The following CRAT variants were observed in gnomAD, a reference collection of about 807,000 sequenced individuals.
The protein encoded by CRAT is carnitine O-acetyltransferase, also known as carnitine acetylase.
Under a neutral mutation model 73.7 loss-of-function variants are expected in CRAT, and 66 were observed. The ratio of observed to expected loss-of-function variants is 0.90; its 90% CI spans 0.73 to 1.10. The LOEUF (loss-of-function observed/expected upper bound fraction) is 1.10, where lower values mean the gene tolerates loss of function less well. Ranked by LOEUF, CRAT falls within the 50% of genes least tolerant of loss-of-function variation. The probability of loss-of-function intolerance (pLI) is 0.00; values close to 1 mark genes in which losing one functional copy is unlikely to be tolerated. For synonymous variants in CRAT, 321 were observed against 343.2 expected (o/e 0.94, Z 0.71); for missense variants, 745 against 846.9 (o/e 0.88, Z 1.49).
rs750039829 is a variant in CRAT, at chr9:129,098,266, C to T, written c.1311G>A (p.Leu437=). 6.8e-6 allele frequency: 11 copies of T among 1,613,960 alleles called. No homozygotes were observed. The highest frequency in any genetic ancestry group is 9.3e-6 in the Non-Finnish European group (11 of 1,180,034). ...LSPDAFIQMA[L]QLAYYRIYGQ... is the part of the protein sequence containing the mutation. ...AGGCGCACCTGTAGTAGGCCAGCTG[C>T]AAAGCCATCTGGATGAAGGCATCTG... is the stretch of plus-strand genomic sequence containing the variant. Residue 437 remains leucine, a synonymous_variant, in exon 10 of 14, where the codon TTG becomes TTA. Coordinates refer to ENST00000318080, the MANE Select transcript of CRAT (RefSeq NM_000755.5).
chr9:129,101,851 TG>T, intron 6 of CRAT, 31 bp downstream of exon 6: 1 of 1,604,840 alleles, frequency 6.2e-7, no homozygotes, highest in African/African-American at 1.3e-5. Context: ...GAGGCCTGGG[TG>T]TGCAGCCCCA....
At chr9:129,109,125 C>A in intron 1 of CRAT, 1 of 1,303,016 alleles carries the variant, frequency 7.7e-7, no homozygotes, top group Non-Finnish European at 1.0e-6. Flanking sequence ...TTCCTTTCTT[C>A]TCTGCATGGG....
chr9:129,095,434 C>G lies in CRAT; in HGVS notation c.1844G>C (p.Arg615Pro). Residue 615 changes from arginine (R) to proline (P), a missense_variant, in exon 14 of 14, where the codon CGT (arginine) becomes CCT (proline). Coordinates refer to ENST00000318080, the MANE Select transcript of CRAT (RefSeq NM_000755.5). ...HYLEKALLDM[R>P]ALLQSHPRAK... ...CCGGGGGTGGCTCTGCAGCAGGGCACGCATGTCCAGGAGCGCCTTCTCCAG... is the reference window on the plus strand; with the variant it reads ...CCGGGGGTGGCTCTGCAGCAGGGCAGGCATGTCCAGGAGCGCCTTCTCCAG... The G allele has an allele frequency of 6.2e-7, 1 of 1,612,818 alleles. No individual in the cohort carries two copies. Among genetic ancestry groups the G allele is most frequent in the Non-Finnish European group, 8.5e-7 (1 of 1,179,966 alleles).
intron 10 of CRAT, 25 bp downstream of exon 10, chr9:129,098,224 C>T (rs376278530): frequency 1.2e-6 from 2 of 1,613,218 alleles, no homozygotes; most frequent in African/African-American, 2.7e-5. Flanking sequence ...CCTCCCTCCT[C>T]CATGGGTGGG....
intron 6 of CRAT, among the ~76,000 whole-genome samples, chr9:129,101,214 A>C (rs1307388914): frequency 6.6e-6 from 1 of 152,230 alleles, no homozygotes; most frequent in Middle Eastern, 3.2e-3. Context: ...TGCCTGCTCC[A>C]CGTTGAGAGG....
rs199566104 is a variant in CRAT at position 129,104,210 on chromosome 9, C to T, written c.388G>A (p.Val130Met). The T allele has an allele frequency of 5.9e-5, 95 of 1,610,778 alleles. No homozygotes were observed. Among genetic ancestry groups the T allele is most frequent in the Non-Finnish European group, 7.0e-5 (82 of 1,178,746 alleles). ...PGVMLPKQDF[V>M]DLQGQLRFAA... ...CACCGGAGCTGACCCTGCAGGTCCA[C>T]GAAGTCCTGCTTGGGTAGCATCACG... The change falls in exon 3 of 14, where the codon GTG becomes ATG. Residue 130 changes from valine to methionine, a missense_variant. Transcript: ENST00000318080.
At chr9:129,102,168 G>C in intron 5 of CRAT, 111 bp from the exon 6 acceptor site, 1 of 1,320,274 alleles carries the variant, frequency 7.6e-7, no homozygotes, top group East Asian at 2.4e-5. Flanking sequence ...AGGGGATGGA[G>C]TCAGGCCAAG....
At chr9:129,102,689 GAGC>G in intron 4 of CRAT, 124 bp from the exon 5 acceptor site, 1 of 1,134,242 alleles carries the variant, frequency 8.8e-7, no homozygotes, top group Non-Finnish European at 1.3e-6. Context: ...ACTCCCAGAT[GAGC>G]AGGACACCTC....
chr9:129,095,336 G>T lies in CRAT; in HGVS notation c.*61C>A. 3 of 1,550,702 alleles carry T rather than the reference G, an allele frequency of 1.9e-6. No individual in the cohort carries two copies. The highest frequency in any genetic ancestry group is 2.2e-5 in the South Asian group (2 of 89,572). On this transcript the variant is annotated 3_prime_UTR_variant, in exon 14 of 14. Coordinates refer to ENST00000318080, the MANE Select transcript of CRAT (RefSeq NM_000755.5). ...GAGGGAACCAAGGAGCTGAGCCCTG[G>T]TGGGTGGCCCATCCCAGGGTGGGCT...
chr9:129,103,872 G>A lies in CRAT; in HGVS notation c.410+316C>T, dbSNP rs1437869821. Among the ~76,000 whole-genome samples the A allele has an allele frequency of 6.6e-6, 1 of 152,160 alleles. No homozygotes were observed. On this transcript the variant is annotated intron_variant, in intron 3 of 13. Transcript: ENST00000318080. The surrounding 1 kb of genome is among the most constrained non-coding windows in gnomAD (Gnocchi z 4.6). ...CTAGCTGAGAAGAGTGGAAAGGAGA[G>A]GTGAAGTGCTAAAACTGGGGTCGGG... is the stretch of plus-strand genomic sequence containing the variant.
chr9:129,099,762 C>G, intron 8 of CRAT, 104 bp downstream of exon 8: 1 of 915,974 alleles, frequency 1.1e-6, no homozygotes, highest in East Asian at 2.6e-5. Context: ...AACAGATTCC[C>G]AGGCACAAAG....
At chr9:129,098,778 C>A in intron 8 of CRAT, 128 bp from the exon 9 acceptor site, 1 of 1,046,332 alleles carries the variant, frequency 9.6e-7, no homozygotes, top group South Asian at 1.8e-5. Context: ...TGAGTTTGTT[C>A]TGAAAACCAC....
chr9:129,097,165 T>C (rs1483773323), intron 12 of CRAT, 85 bp downstream of exon 12: 13 of 1,241,502 alleles, frequency 1.0e-5, no homozygotes, highest in Middle Eastern at 2.1e-4. Flanking sequence ...TTGGCAGCCA[T>C]TGGCTGCAGG....
intron 1 of CRAT, chr9:129,108,782 T>A (rs1848180449): frequency 3.8e-6 from 5 of 1,304,260 alleles, no homozygotes; most frequent in Non-Finnish European, 5.1e-6. Flanking sequence ...CTGCTGCCCG[T>A]CCTCCTCCAT....
rs1214297892 is a variant in CRAT at position 129,102,476 on chromosome 9, G to A, written c.554C>T (p.Pro185Leu). ...GAAGTTGCTGACTGTGTCCTGCTTG[G>A]GGCCCGGCACTCGGCAGGAGGACAA... Reference protein sequence around the residue: ...QILSSCRVPGPKQDTVSNFSK... With the variant: ...QILSSCRVPGLKQDTVSNFSK... Residue 185 changes from proline (P) to leucine (L), a missense_variant, in exon 5 of 14, where the codon CCC becomes CTC. Coordinates refer to ENST00000318080, the MANE Select transcript of CRAT (RefSeq NM_000755.5). 1.9e-6 allele frequency: 3 copies of A among 1,614,040 alleles called. No individual in the cohort carries two copies. The African/African-American group carries it at 4.0e-5, about 22-fold the overall frequency.
In CRAT at chr9:129,095,033, C is replaced by A. The variant is rs1271121057; in HGVS notation, c.*364G>T. On this transcript the variant is annotated 3_prime_UTR_variant, in exon 14 of 14. Transcript: ENST00000318080. ...GATGGTGGCCTGGTCATGGAGTTGG[C>A]AGGGAGTGGCCGGGGCTGAGCTGGT... 3.4e-6 allele frequency: 1 copy of A among 293,746 alleles called. No individual in the cohort carries two copies. Among genetic ancestry groups the A allele is most frequent in the Non-Finnish European group, 6.5e-6 (1 of 153,202 alleles). The allele number at this position is 293,746 out of a possible 1,614,324, so 18.2% of individuals were successfully genotyped here.
chr9:129,099,762 C>T, intron 8 of CRAT, 104 bp downstream of exon 8: 1 of 915,970 alleles, frequency 1.1e-6, no homozygotes, highest in Non-Finnish European at 1.7e-6. Context: ...AACAGATTCC[C>T]AGGCACAAAG....
chr9:129,095,862 A>G, intron 13 of CRAT, 136 bp downstream of exon 13: 1 of 1,283,850 alleles, frequency 7.8e-7, no homozygotes, highest in East Asian at 2.3e-5. Flanking sequence ...TGGGCTGCAG[A>G]GAGGCCCCTG....
chr9:129,099,951 C>T lies in CRAT; in HGVS notation c.1000G>A (p.Asp334Asn). Reference sequence around the variant, plus strand: ...TCGTACACAAGCCCACAGGAGCCATCTTCTGCCACGATGAACTGTGGAAGG... The same window carrying T: ...TCGTACACAAGCCCACAGGAGCCATTTTCTGCCACGATGAACTGTGGAAGG... Reference protein sequence around the residue: ...DKTLQFIVAEDGSCGLVYEHA... With the variant: ...DKTLQFIVAENGSCGLVYEHA... Residue 334 changes from aspartate to asparagine, a missense_variant, in exon 8 of 14, where the codon GAT becomes AAT. By Grantham distance (23) the Asp-to-Asn change is conservative. Coordinates refer to ENST00000318080, the MANE Select transcript of CRAT (RefSeq NM_000755.5). 6.2e-7 allele frequency: 1 copy of T among 1,613,566 alleles called. No homozygotes were observed. Among genetic ancestry groups the T allele is most frequent in the Non-Finnish European group, 8.5e-7 (1 of 1,179,962 alleles).
Sources: allele counts gnomAD v4.1 joint callset (sites outside exome capture counted in the v4.1 genomes callset), GRCh38; gene constraint gnomAD v4.1.1; non-coding constraint Gnocchi (gnomAD v3.1); transcripts MANE v1.5; gene names NCBI Gene and HGNC (gene_info 2026-07-23, HGNC 2026-07-21).